Variants in ZBTB20 observed in about 807,000 individuals in gnomAD.
ZBTB20 encodes zinc finger and BTB domain containing 20.
ZBTB20 carries 9 observed loss-of-function variants against 56.9 expected under a neutral mutation model. The ratio of observed to expected loss-of-function variants is 0.16; its 90% CI spans 0.10 to 0.28. ZBTB20 has a LOEUF of 0.28. ZBTB20 is among the 10% of genes least tolerant of loss of function. ZBTB20 has a pLI of 1.00. For synonymous variants in ZBTB20, 417 were observed against 420.7 expected, an observed-to-expected ratio of 0.99 and a Z score of 0.11; for missense variants, 655 against 1,003.0, an observed-to-expected ratio of 0.65 and a Z score of 4.69.
intron 5 of ZBTB20, among the ~76,000 whole-genome samples, chr3:114,727,850 TAAC>T (rs1022309572): frequency 4.6e-5 from 7 of 152,016 alleles, no homozygotes; most frequent in Non-Finnish European, 1.0e-4. Flanking sequence ...TTAATAATAA[TAAC>T]AATAATTACC....
chr3:114,400,331 C>T (rs1335689430), intron 7 of ZBTB20, among the ~76,000 whole-genome samples: 1 of 152,076 alleles, frequency 6.6e-6, no homozygotes, highest in Non-Finnish European at 1.5e-5. Context: ...GTATGCTTTG[C>T]CTATCTTATA....
intron 6 of ZBTB20, among the ~76,000 whole-genome samples, chr3:114,591,810 C>A (rs1283229681): frequency 6.6e-6 from 1 of 152,156 alleles, no homozygotes; most frequent in African/African-American, 2.4e-5. Context: ...ACTTATCTCT[C>A]AAATTGTTGT....
At chr3:114,392,845 C>G (rs1410051264) in intron 7 of ZBTB20, among the ~76,000 whole-genome samples, 1 of 152,166 alleles carries the variant, frequency 6.6e-6, no homozygotes, top group Non-Finnish European at 1.5e-5. Flanking sequence ...TTTTCTCTCA[C>G]CCAAAGATGA....
At chr3:114,697,128 G>T (rs988352009) in intron 5 of ZBTB20, among the ~76,000 whole-genome samples, 1 of 147,424 alleles carries the variant, frequency 6.8e-6, no homozygotes, top group African/African-American at 2.5e-5. Flanking sequence ...GCTTTATATA[G>T]CTCCCAAAGT....
At chr3:115,099,776 T>C (rs960040559) in intron 1 of ZBTB20, among the ~76,000 whole-genome samples, 3 of 151,992 alleles carry the variant, frequency 2.0e-5, no homozygotes, top group Non-Finnish European at 4.4e-5. Flanking sequence ...GAGTTAGCAA[T>C]AAATAAGGAC....
At chr3:114,731,766 A>G (rs377252849) in intron 5 of ZBTB20, among the ~76,000 whole-genome samples, 18 of 150,746 alleles carry the variant, frequency 1.2e-4, no homozygotes, top group Admixed American at 2.0e-4. Context: ...ACCCGGCTGT[A>G]CCTAGATTAG....
At chr3:114,529,276 G>T (rs2047571436) in intron 6 of ZBTB20, 1 of 152,086 alleles carries the variant, frequency 6.6e-6, no homozygotes, top group Non-Finnish European at 1.5e-5. Context: ...CAGATTTCTG[G>T]CTGGATGTCA....
intron 5 of ZBTB20, among the ~76,000 whole-genome samples, chr3:114,787,744 A>C (rs1459296565): frequency 6.6e-6 from 1 of 152,096 alleles, no homozygotes; most frequent in East Asian, 1.9e-4. Context: ...AGAGGAAAAA[A>C]GGGAGTAACT....
intron 6 of ZBTB20, among the ~76,000 whole-genome samples, chr3:114,550,795 C>T (rs1213463712): frequency 3.3e-5 from 5 of 151,844 alleles, no homozygotes; most frequent in Non-Finnish European, 5.9e-5. Context: ...CTGTCACCCA[C>T]GCTGGAGTGC....
chr3:114,674,050 T>C (rs913668140), intron 6 of ZBTB20, among the ~76,000 whole-genome samples: 1 of 152,176 alleles, frequency 6.6e-6, no homozygotes, highest in Non-Finnish European at 1.5e-5. Context: ...CTTTGGTATA[T>C]AAACTCACAT....
At chr3:114,484,101 T>C (rs2041849666) in intron 7 of ZBTB20, among the ~76,000 whole-genome samples, 1 of 152,190 alleles carries the variant, frequency 6.6e-6, no homozygotes. Context: ...CTTTAAGTAC[T>C]GGAGGCCAAA....
chr3:114,349,026 C>T (rs1472930954), intron 11 of ZBTB20, among the ~76,000 whole-genome samples: 1 of 151,584 alleles, frequency 6.6e-6, no homozygotes, highest in African/African-American at 2.4e-5. Flanking sequence ...ATGGTAAGAC[C>T]CTGTCTCTAC....
At chr3:114,912,484 C>T (rs968178732) in intron 3 of ZBTB20, among the ~76,000 whole-genome samples, 1 of 151,462 alleles carries the variant, frequency 6.6e-6, no homozygotes, top group African/African-American at 2.4e-5. Flanking sequence ...TTTTGGAACA[C>T]AGTAAGTATA....
At chr3:114,565,040 T>C (rs2052553353) in intron 6 of ZBTB20, among the ~76,000 whole-genome samples, 1 of 152,192 alleles carries the variant, frequency 6.6e-6, no homozygotes, top group African/African-American at 2.4e-5. Flanking sequence ...CATCAGCACA[T>C]GCCCATCATA....
intron 3 of ZBTB20, among the ~76,000 whole-genome samples, chr3:114,904,014 G>A (rs1266855124): frequency 1.3e-5 from 2 of 151,962 alleles, no homozygotes; most frequent in East Asian, 1.9e-4. Context: ...GTTAAGTGGC[G>A]TGTCTTCAGA....
At chr3:114,459,632 C>T (rs10934275) in intron 7 of ZBTB20, among the ~76,000 whole-genome samples, 103,614 of 151,898 alleles carry the variant, frequency 0.68, 39,024 homozygotes, top group Non-Finnish European at 0.85. Context: ...CTTTGTTCTT[C>T]ATGAGTAAAT....
At chr3:114,594,770 A>C (rs2056158627) in intron 6 of ZBTB20, among the ~76,000 whole-genome samples, 1 of 152,154 alleles carries the variant, frequency 6.6e-6, no homozygotes, top group African/African-American at 2.4e-5. Context: ...AATACCAAAA[A>C]TGTTCTCTAT....
chr3:114,446,980 C>T (rs905455916), intron 7 of ZBTB20, among the ~76,000 whole-genome samples: 1 of 152,186 alleles, frequency 6.6e-6, no homozygotes, highest in Admixed American at 6.5e-5. Flanking sequence ...ATACAGTGTA[C>T]ATATATTTCT....
At chr3:114,433,281 G>T (rs2090256022) in intron 7 of ZBTB20, among the ~76,000 whole-genome samples, 1 of 152,146 alleles carries the variant, frequency 6.6e-6, no homozygotes, top group Non-Finnish European at 1.5e-5. Flanking sequence ...AATAGACAAG[G>T]TCTGAAGATA....
Sources: allele counts gnomAD v4.1 joint callset (sites outside exome capture counted in the v4.1 genomes callset), GRCh38; gene constraint gnomAD v4.1.1; transcripts MANE v1.5; gene names NCBI Gene and HGNC (gene_info 2026-07-23, HGNC 2026-07-21).